The following SLMAP variants were observed in gnomAD, a reference collection of about 807,000 sequenced individuals.
SLMAP encodes the protein sarcolemma associated protein.
A neutral mutation model predicts 128.8 loss-of-function variants in SLMAP; 44 were observed. That is an observed-to-expected ratio of 0.34 (90% CI 0.27 to 0.44). The LOEUF is 0.44. SLMAP is among the 20% of genes least tolerant of loss of function. The pLI, the probability that SLMAP is intolerant of heterozygous loss-of-function variation, is 1.00. For synonymous variants in SLMAP, 327 were observed against 348.8 expected, an observed-to-expected ratio of 0.94 and a Z score of 0.70; for missense variants, 787 against 985.3, an observed-to-expected ratio of 0.80 and a Z score of 2.69.
chr3:57,882,156 T>C (rs2095760934), intron 14 of SLMAP, among the ~76,000 whole-genome samples: 1 of 152,210 alleles, frequency 6.6e-6, no homozygotes, highest in Admixed American at 6.5e-5. Context: ...CCTTTAAACA[T>C]AGATGCTCAA....
intron 3 of SLMAP, among the ~76,000 whole-genome samples, chr3:57,836,108 G>T (rs975862534): frequency 5.3e-5 from 8 of 152,050 alleles, no homozygotes; most frequent in South Asian, 2.1e-4. Context: ...AGAATCAATT[G>T]TTTTTAATAA....
chr3:57,801,801 TC>T (rs149843824), intron 2 of SLMAP, among the ~76,000 whole-genome samples: 3,387 of 152,166 alleles, frequency 0.022, 129 homozygotes, highest in African/African-American at 0.077. Context: ...CAAACTACTT[TC>T]CAGTAGTTTG....
chr3:57,855,723 A>AC (rs1030987420), intron 6 of SLMAP, among the ~76,000 whole-genome samples: 5 of 149,206 alleles, frequency 3.4e-5, no homozygotes, highest in African/African-American at 1.0e-4. Context: ...AAAAAAAAAA[A>AC]AACAAAAAAA....
At chr3:57,760,119 T>C (rs1370859621) in intron 2 of SLMAP, among the ~76,000 whole-genome samples, 1 of 152,166 alleles carries the variant, frequency 6.6e-6, no homozygotes, top group Non-Finnish European at 1.5e-5. Context: ...TTTATATTCT[T>C]CGTAGATACT....
chr3:57,761,124 C>T (rs1223647879), intron 2 of SLMAP, among the ~76,000 whole-genome samples: 1 of 151,882 alleles, frequency 6.6e-6, no homozygotes, highest in Non-Finnish European at 1.5e-5. Context: ...CACCCTGTCC[C>T]TGGCTCTTAC....
intron 2 of SLMAP, among the ~76,000 whole-genome samples, chr3:57,825,492 T>A (rs979663347): frequency 7.9e-5 from 12 of 151,134 alleles, no homozygotes; most frequent in African/African-American, 2.9e-4. Context: ...GAGATGATTG[T>A]GTGTTTTCTT....
At chr3:57,774,995 C>G (rs535751779) in intron 2 of SLMAP, among the ~76,000 whole-genome samples, 56 of 152,160 alleles carry the variant, frequency 3.7e-4, no homozygotes, top group Admixed American at 2.9e-3. Flanking sequence ...TATTATTCCC[C>G]AAACCAAATA....
chr3:57,830,764 G>T (rs1159891126), intron 2 of SLMAP, among the ~76,000 whole-genome samples: 1 of 152,142 alleles, frequency 6.6e-6, no homozygotes, highest in African/African-American at 2.4e-5. Flanking sequence ...AAGCACTCAT[G>T]TACTTTTTGT....
chr3:57,897,519 A>T (rs2096270716), intron 17 of SLMAP: 1 of 152,182 alleles, frequency 6.6e-6, no homozygotes, highest in Non-Finnish European at 1.5e-5. Context: ...CAACATGGAG[A>T]AACCCTGTCT....
chr3:57,919,449 T>G (rs780791284), intron 22 of SLMAP, among the ~76,000 whole-genome samples: 29 of 152,122 alleles, frequency 1.9e-4, no homozygotes, highest in Non-Finnish European at 4.0e-4. Context: ...ATCTTTATAT[T>G]TGACTTTAGA....
intron 2 of SLMAP, among the ~76,000 whole-genome samples, chr3:57,786,163 A>G (rs963243592): frequency 2.6e-5 from 4 of 152,218 alleles, no homozygotes; most frequent in South Asian, 2.1e-4. Context: ...TACTGTGGTA[A>G]TAACTCCAAA....
intron 17 of SLMAP, among the ~76,000 whole-genome samples, chr3:57,906,319 T>TTTTTTTTTTTTTC (rs2096559166): frequency 8.2e-6 from 1 of 122,284 alleles, no homozygotes; most frequent in African/African-American, 3.2e-5. Context: ...TCTTTTTTTT[T>TTTTTTTTTTTTTC]TTTTTTTTTT....
intron 23 of SLMAP, among the ~76,000 whole-genome samples, chr3:57,923,311 G>T (rs2096948776): frequency 6.6e-6 from 1 of 152,204 alleles, no homozygotes; most frequent in African/African-American, 2.4e-5. Context: ...TGAGTCTGAA[G>T]CTCTGTCACT....
chr3:57,918,243 G>A (rs908037831), intron 22 of SLMAP: 2 of 152,194 alleles, frequency 1.3e-5, no homozygotes, highest in African/African-American at 4.8e-5. Context: ...TGTCCTTCCA[G>A]TCCATATGCC....
At chr3:57,798,708 A>C (rs920556166) in intron 2 of SLMAP, among the ~76,000 whole-genome samples, 12 of 152,334 alleles carry the variant, frequency 7.9e-5, no homozygotes, top group African/African-American at 2.9e-4. Flanking sequence ...ATGTAGCCAA[A>C]TGCTGTTAAG....
At chr3:57,804,579 A>G (rs2089389589) in intron 2 of SLMAP, among the ~76,000 whole-genome samples, 2 of 152,060 alleles carry the variant, frequency 1.3e-5, no homozygotes, top group South Asian at 4.1e-4. Context: ...CCTTATCTCT[A>G]CAAAAAATAC....
At chr3:57,769,083 A>T (rs1420606888) in intron 2 of SLMAP, among the ~76,000 whole-genome samples, 1 of 152,178 alleles carries the variant, frequency 6.6e-6, no homozygotes, top group Non-Finnish European at 1.5e-5. Flanking sequence ...TCTTTTTGGG[A>T]TGATGAAAAT....
At chr3:57,871,032 A>G (rs1033427060) in intron 13 of SLMAP, among the ~76,000 whole-genome samples, 14 of 152,186 alleles carry the variant, frequency 9.2e-5, no homozygotes, top group African/African-American at 3.4e-4. Context: ...CCATTTACCA[A>G]GCTCTTACTT....
chr3:57,829,058 C>G (rs2093143246), intron 2 of SLMAP, among the ~76,000 whole-genome samples: 1 of 152,106 alleles, frequency 6.6e-6, no homozygotes, highest in South Asian at 2.1e-4. Flanking sequence ...GCTGAGATTA[C>G]AGACATGAGC....
Sources: gnomAD v4.1 joint callset for allele counts (sites outside exome capture counted in the v4.1 genomes callset) on GRCh38, gnomAD v4.1.1 for gene constraint, MANE v1.5 for transcripts, NCBI Gene and HGNC (gene_info 2026-07-23, HGNC 2026-07-21) for gene names.